The following NIPAL4 variants were observed in gnomAD, a reference collection of about 807,000 sequenced individuals.
NIPAL4 encodes NIPA like domain containing 4, also known as magnesium transporter NIPA4.
A neutral mutation model predicts 31.6 loss-of-function variants in NIPAL4; 21 were observed. That is an observed-to-expected ratio of 0.67 (90% CI 0.47 to 0.96). NIPAL4 has a LOEUF of 0.96. Among genes scored for constraint, NIPAL4 ranks in the 40% least tolerant of loss-of-function variants. The pLI, the probability that NIPAL4 is intolerant of heterozygous loss-of-function variation, is 0.00. For synonymous variants in NIPAL4, 175 were observed against 211.1 expected, an observed-to-expected ratio of 0.83 and a Z score of 1.48; for missense variants, 438 against 508.0, an observed-to-expected ratio of 0.86 and a Z score of 1.32.
Position 157,473,031 on chromosome 5 carries a change from G to A in NIPAL4, c.*71G>A. On this transcript the variant is annotated 3_prime_UTR_variant, in exon 6 of 6. Coordinates refer to ENST00000311946, the MANE Select transcript of NIPAL4 (RefSeq NM_001099287.2). The stretch of plus-strand genomic sequence containing the variant: ...GCCCTCCCAATTTCAAAACCACCTG[G>A]TTATTTTCCAGTGCAACTGTTACCA... 1.5e-6 allele frequency: 2 copies of A among 1,332,676 alleles called. No homozygotes were observed. The highest frequency in any genetic ancestry group is 2.0e-6 in the Non-Finnish European group (2 of 997,866). The allele number at this position is 1,332,676 out of a possible 1,614,324, so 82.6% of individuals were successfully genotyped here.
At chr5:157,468,862 G>A in intron 4 of NIPAL4, 50 bp downstream of exon 4, 2 of 1,323,106 alleles carry the variant, frequency 1.5e-6, no homozygotes, top group Non-Finnish European at 2.1e-6. Context: ...TTTTCAGTTT[G>A]TTGAGGCCTG....
At chr5:157,460,619 A>T in intron 1 of NIPAL4, 2 of 558,650 alleles carry the variant, frequency 3.6e-6, no homozygotes, top group East Asian at 4.1e-5. Flanking sequence ...AGTGGGGGGC[A>T]GGCATTTTGA....
rs1754350111 is a variant in NIPAL4 at position 157,468,798 on chromosome 5, G to A, written c.411G>A (p.Leu137=). Residue 137 remains leucine, a synonymous_variant, in exon 4 of 6, where the codon CTG becomes CTA. Transcript: ENST00000311946. The stretch of plus-strand genomic sequence containing the variant: ...CAGTCGTCACGCCTCTGGGAGCGCT[G>A]AGTGTCCTCATAAGGTTATTGTCCC... ...PATVVTPLGA[L]SVLISAILSS... 1 of 1,605,876 alleles carries A rather than the reference G, an allele frequency of 6.2e-7. No homozygotes were observed. Among genetic ancestry groups the A allele is most frequent in the Non-Finnish European group, 8.5e-7 (1 of 1,174,856 alleles).
chr5:157,461,704 A>T (rs1458885949), intron 1 of NIPAL4, among the ~76,000 whole-genome samples: 1 of 152,238 alleles, frequency 6.6e-6, no homozygotes, highest in African/African-American at 2.4e-5. Context: ...AGTTTTGGAA[A>T]GAGAGATATC....
chr5:157,460,341 C>A lies in NIPAL4; in HGVS notation c.21C>A (p.Asn7Lys). The A allele has an allele frequency of 6.5e-7, 1 of 1,547,342 alleles. No homozygotes were observed. Among genetic ancestry groups the A allele is most frequent in the East Asian group, 2.4e-5 (1 of 40,870 alleles). ...GCCCCATGGAGCTGCGGGTCAGCAA[C>A]ACCAGCTGCGAGAACGGTGCGTACG... The part of the protein sequence containing the change: MELRVS[N>K]TSCENGSLLH... Residue 7 changes from asparagine (N) to lysine (K), a missense_variant, in exon 1 of 6, where the codon AAC becomes AAA. By Grantham distance (94) the Asn-to-Lys change is moderately conservative. Transcript: ENST00000311946.
intron 2 of NIPAL4, 28 bp downstream of exon 2, chr5:157,463,361 G>A (rs762407005): frequency 6.3e-7 from 1 of 1,577,182 alleles, no homozygotes; most frequent in Admixed American, 1.8e-5. Flanking sequence ...GAGAGGATAG[G>A]GCCCAGGGCA....
At chr5:157,466,008 A>T (rs1754262678) in intron 2 of NIPAL4, among the ~76,000 whole-genome samples, 1 of 151,080 alleles carries the variant, frequency 6.6e-6, no homozygotes, top group Non-Finnish European at 1.5e-5. Flanking sequence ...GGAGGGAGGG[A>T]AGGAAAAAGG....
chr5:157,468,585 G>T, intron 3 of NIPAL4, 137 bp from the exon 4 acceptor site: 1 of 655,932 alleles, frequency 1.5e-6, no homozygotes, highest in Non-Finnish European at 2.8e-6. Flanking sequence ...AGACTCTCCA[G>T]GGAGAGAGCG....
intron 4 of NIPAL4, among the ~76,000 whole-genome samples, chr5:157,469,496 G>A (rs979303836): frequency 1.1e-4 from 17 of 152,188 alleles, no homozygotes; most frequent in African/African-American, 3.9e-4. Flanking sequence ...CTTCTAAGAG[G>A]CCAGGCCAGG....
intron 4 of NIPAL4, among the ~76,000 whole-genome samples, chr5:157,469,687 G>C (rs866721298): frequency 1.8e-4 from 28 of 152,154 alleles, no homozygotes; most frequent in African/African-American, 3.6e-4. Context: ...TCCTCTGTGG[G>C]GGTCCTGGAG....
At chr5:157,461,422 T>C (rs1754102965) in intron 1 of NIPAL4, among the ~76,000 whole-genome samples, 1 of 152,200 alleles carries the variant, frequency 6.6e-6, no homozygotes, top group Admixed American at 6.5e-5. Context: ...GCCAAGTCCA[T>C]CCACAGAGGG....
At chr5:157,462,340 T>C (rs1754132395) in intron 1 of NIPAL4, among the ~76,000 whole-genome samples, 1 of 152,156 alleles carries the variant, frequency 6.6e-6, no homozygotes, top group Non-Finnish European at 1.5e-5. Context: ...TCCCAATTTT[T>C]AAATGTTTTC....
Position 157,473,391 on chromosome 5 carries a change from G to C in NIPAL4, c.*431G>C, listed in dbSNP as rs1754496975. 1 of 157,956 alleles carries C rather than the reference G, an allele frequency of 6.3e-6. No homozygotes were observed. The highest frequency in any genetic ancestry group is 2.0e-4 in the South Asian group (1 of 5,000). 9.8% of individuals were successfully genotyped at this position (157,956 alleles called of 1,614,324 possible). ...TTGTTGTTGTTGTTGTTGTTTTCTA[G>C]CCCAAGGATGACATAGAGCTGGCTC... is the stretch of plus-strand genomic sequence containing the variant. On this transcript the variant is annotated 3_prime_UTR_variant, in exon 6 of 6. Transcript: ENST00000311946.
At chr5:157,469,226 C>T (rs552137400) in intron 4 of NIPAL4, among the ~76,000 whole-genome samples, 24 of 152,298 alleles carry the variant, frequency 1.6e-4, no homozygotes, top group East Asian at 7.7e-4. Flanking sequence ...CTTAGTCACT[C>T]GAAGCCTCAT....
chr5:157,467,304 C>T (rs183255535), intron 3 of NIPAL4, 199 bp downstream of exon 3: 173 of 571,698 alleles, frequency 3.0e-4, no homozygotes, highest in African/African-American at 2.9e-3. Flanking sequence ...GAAGCGTCTA[C>T]TCCCAGAGAG....
intron 4 of NIPAL4, among the ~76,000 whole-genome samples, chr5:157,469,856 G>T (rs956181836): frequency 3.9e-5 from 6 of 152,106 alleles, no homozygotes; most frequent in Non-Finnish European, 7.4e-5. Flanking sequence ...TGTACAACTC[G>T]CCTGATTCAT....
chr5:157,469,312 C>A (rs1050322715), intron 4 of NIPAL4, among the ~76,000 whole-genome samples: 35 of 152,186 alleles, frequency 2.3e-4, no homozygotes, highest in African/African-American at 8.2e-4. Context: ...TGAGATAATG[C>A]ACAGAAAATG....
chr5:157,468,737 T>C lies in NIPAL4; in HGVS notation c.350T>C (p.Val117Ala), dbSNP rs755138790. 39 of 1,612,148 alleles carry C rather than the reference T, an allele frequency of 2.4e-5. No homozygotes were observed. The highest frequency in any genetic ancestry group is 3.1e-5 in the Non-Finnish European group (37 of 1,178,596). Residue 117 changes from valine to alanine, a missense_variant, in exon 4 of 6, where the codon GTT (valine) becomes GCT (alanine). By Grantham distance (64) the Val-to-Ala change is moderately conservative. Transcript: ENST00000311946. ...AGFLTMAAGE[V>A]ANFGAYAFAP... The stretch of plus-strand genomic sequence containing the variant: ...CGTTTCCTAGTGGCTGCTGGAGAAG[T>C]TGCCAACTTTGGAGCCTACGCATTT...
chr5:157,470,698 C>T (rs533318224), intron 4 of NIPAL4, among the ~76,000 whole-genome samples: 1 of 152,222 alleles, frequency 6.6e-6, no homozygotes, highest in South Asian at 2.1e-4. Context: ...ATGAATGACC[C>T]GAGGAGCAGA....
Sources: gnomAD v4.1 joint callset for allele counts (sites outside exome capture counted in the v4.1 genomes callset) on GRCh38, gnomAD v4.1.1 for gene constraint, MANE v1.5 for transcripts, NCBI Gene and HGNC (gene_info 2026-07-23, HGNC 2026-07-21) for gene names.